SMPD3: variants seen among roughly 807,000 people sequenced by gnomAD.
SMPD3 encodes nSMase-2.
In SMPD3, 21 loss-of-function variants were observed where a neutral mutation model predicts 55.7. That is an observed-to-expected ratio of 0.38 (90% CI 0.27 to 0.54). The LOEUF is 0.54. Ranked by LOEUF, SMPD3 falls within the 20% of genes least tolerant of loss-of-function variation. The pLI is 0.80. For synonymous variants in SMPD3, 457 were observed against 404.3 expected (o/e 1.13, Z -1.56); for missense variants, 842 against 899.6 (o/e 0.94, Z 0.82).
At position 68,371,802 on chromosome 16, in the gene SMPD3, G is replaced by A. The variant is rs893179155; in HGVS notation, c.380C>T (p.Ala127Val). ...GGGCAGGAGGCAGACGTTGGCAGTG[G>A]CAAAGCAGAAGCTTTTGCCAGGCCC... ...GTGPGKSFCF[A>V]TANVCLLPDS... Residue 127 changes from alanine to valine, a missense_variant, in exon 3 of 9, where the codon GCC (alanine) becomes GTC (valine). Physicochemically the swap from Ala to Val is moderately conservative, Grantham distance 64 (BLOSUM62 0). This residue lies in a region of SMPD3 where 193 missense variants were observed against 256.0 expected (regional missense o/e 0.75). Coordinates refer to ENST00000219334, the MANE Select transcript of SMPD3 (RefSeq NM_018667.4). 2 of 1,608,572 alleles carry A rather than the reference G, an allele frequency of 1.2e-6. No homozygotes were observed. Among genetic ancestry groups the A allele is most frequent in the Middle Eastern group, 1.6e-4 (1 of 6,078 alleles).
At position 68,360,169 on chromosome 16, in the gene SMPD3, C is replaced by G. The variant is rs1304031396; in HGVS notation, c.*1037G>C. On this transcript the variant is annotated 3_prime_UTR_variant, in exon 9 of 9. Transcript: ENST00000219334. Reference sequence around the variant, plus strand: ...GGGGTTCCTGAGCTCAGCCGGCACGCAGGTGGGGCACGTCCCCAGGGAGGG... The same window carrying G: ...GGGGTTCCTGAGCTCAGCCGGCACGGAGGTGGGGCACGTCCCCAGGGAGGG... 2.0e-5 allele frequency: 3 copies of G among 152,604 alleles called. No individual in the cohort carries two copies. Among genetic ancestry groups the G allele is most frequent in the African/African-American group, 7.2e-5 (3 of 41,464 alleles). The allele number at this position is 152,604 out of a possible 1,614,324, so 9.5% of individuals were successfully genotyped here.
In SMPD3 at chr16:68,404,881, C is replaced by T. The variant is rs910061915; in HGVS notation, c.-268-18222G>A. Among the ~76,000 whole-genome samples the T allele has an allele frequency of 6.6e-6, 1 of 152,216 alleles. No homozygotes were observed. The highest frequency in any genetic ancestry group is 1.5e-5 in the Non-Finnish European group (1 of 68,040). On this transcript the variant is annotated intron_variant, in intron 1 of 8. Transcript: ENST00000219334. This position sits in a 1 kb window ranked among gnomAD's most constrained non-coding sequence, Gnocchi z 4.0. ...GTCCTTGGCAGCAGTAGAAATGGGG[C>T]GGCTCTGAACTTTCTCTCTGTAACC...
intron 1 of SMPD3, among the ~76,000 whole-genome samples, chr16:68,410,549 A>G (rs1343207444): frequency 6.6e-6 from 1 of 152,186 alleles, no homozygotes; most frequent in Non-Finnish European, 1.5e-5. Context: ...AGTAGATACT[A>G]CTGGATTTAA....
At chr16:68,430,716 C>T (rs910657002) in intron 1 of SMPD3, among the ~76,000 whole-genome samples, 1 of 152,220 alleles carries the variant, frequency 6.6e-6, no homozygotes, top group African/African-American at 2.4e-5. Flanking sequence ...TGCAGAATCA[C>T]GCCCCTCTCA....
chr16:68,371,230 C>T lies in SMPD3; in HGVS notation c.952G>A (p.Gly318Ser), dbSNP rs2089656181. 1 of 1,606,976 alleles carries T rather than the reference C, an allele frequency of 6.2e-7. No individual in the cohort carries two copies. The highest frequency in any genetic ancestry group is 2.2e-5 in the East Asian group (1 of 44,838). The part of the protein sequence containing the change: ...GPDTSASGEP[G>S]ANSKLLYKAS... ...TTGTACAGGAGCTTGCTGTTGGCAC[C>T]TGGCTCCCCGCTGGCACTGGTGTCT... Residue 318 changes from glycine (G) to serine (S), a missense_variant, in exon 3 of 9, where the codon GGT (glycine) becomes AGT (serine). By Grantham distance (56) the Gly-to-Ser change is moderately conservative. Coordinates refer to ENST00000219334, the MANE Select transcript of SMPD3 (RefSeq NM_018667.4).
At position 68,370,811 on chromosome 16, in the gene SMPD3, C is replaced by G. The variant is rs753399222; in HGVS notation, c.1323+48G>C. The G allele has an allele frequency of 1.2e-5, 19 of 1,603,340 alleles. No homozygotes were observed. In the South Asian group the frequency reaches 1.3e-4, roughly 11 times the overall value. On this transcript the variant is annotated intron_variant, in intron 3 of 8. Coordinates refer to ENST00000219334, the MANE Select transcript of SMPD3 (RefSeq NM_018667.4). ...CTGCAGCCCCCCTGCCTACATGGCT[C>G]TAGGACCAGCTGGCACGTGGTCCTC...
At chr16:68,439,743 G>GA (rs34370690) in intron 1 of SMPD3, among the ~76,000 whole-genome samples, 2 of 152,122 alleles carry the variant, frequency 1.3e-5, no homozygotes, top group Non-Finnish European at 1.5e-5. Context: ...CAAACTTTTG[G>GA]AAAAAAAGGT....
At chr16:68,422,648 G>C (rs1195150145) in intron 1 of SMPD3, among the ~76,000 whole-genome samples, 1 of 152,296 alleles carries the variant, frequency 6.6e-6, no homozygotes, top group South Asian at 2.1e-4. Flanking sequence ...TGGAGAAAAG[G>C]GGAGGGAATT....
chr16:68,371,885 C>A lies in SMPD3; in HGVS notation c.297G>T (p.Arg99=). The part of the protein sequence containing the change: ...QSARRPYIYS[R]LEDKGLAGGA... ...CACCGGCCAGGCCCTTGTCTTCCAG[C>A]CGTGAATAGATGTAGGGCCGGCGGG... is the stretch of plus-strand genomic sequence containing the variant. Residue 99 remains arginine, a synonymous_variant, in exon 3 of 9, where the codon CGG becomes CGT. Transcript: ENST00000219334. 6.2e-7 allele frequency: 1 copy of A among 1,609,908 alleles called. No homozygotes were observed. The highest frequency in any genetic ancestry group is 1.7e-4 in the Middle Eastern group (1 of 6,056).
chr16:68,398,190 G>C (rs929979779), intron 1 of SMPD3, among the ~76,000 whole-genome samples: 1 of 152,180 alleles, frequency 6.6e-6, no homozygotes, highest in African/African-American at 2.4e-5. Context: ...ACAGAAGCTT[G>C]GGGCTTATCC....
intron 5 of SMPD3, 92 bp downstream of exon 5, chr16:68,364,659 C>G: frequency 7.0e-7 from 1 of 1,420,132 alleles, no homozygotes; most frequent in Non-Finnish European, 9.6e-7. Flanking sequence ...AGCAGGAATT[C>G]TTTGAGCTGC....
intron 4 of SMPD3, 47 bp downstream of exon 4, chr16:68,364,970 G>C (rs371379415): frequency 3.1e-5 from 50 of 1,613,810 alleles, no homozygotes; most frequent in Middle Eastern, 3.3e-4. Context: ...TAGGCCCCAG[G>C]CACTGATCCC....
chr16:68,439,722 C>T (rs903014463), intron 1 of SMPD3, among the ~76,000 whole-genome samples: 7 of 152,166 alleles, frequency 4.6e-5, no homozygotes, highest in African/African-American at 1.7e-4. Context: ...TGGCTGTCTT[C>T]CTCCAGAAGG....
intron 1 of SMPD3, among the ~76,000 whole-genome samples, chr16:68,391,509 T>C (rs2090110531): frequency 6.6e-6 from 1 of 152,244 alleles, no homozygotes; most frequent in Non-Finnish European, 1.5e-5. Context: ...ATTGGGTTTC[T>C]ACTACTTTGC....
In SMPD3 at chr16:68,361,133, C is replaced by T. The variant is rs1350952841; in HGVS notation, c.*73G>A. The T allele has an allele frequency of 1.4e-5, 20 of 1,403,652 alleles. No homozygotes were observed. Among genetic ancestry groups the T allele is most frequent in the Admixed American group, 3.7e-5 (2 of 53,736 alleles). 86.9% of individuals were successfully genotyped at this position (1,403,652 alleles called of 1,614,324 possible). On this transcript the variant is annotated 3_prime_UTR_variant, in exon 9 of 9. Transcript: ENST00000219334. ...CCTCCTCCCCCAAGCACCGGGCACT[C>T]GATGGAGGGGACATGGCCCAGGGAT...
chr16:68,425,523 G>A (rs1003519139), intron 1 of SMPD3, among the ~76,000 whole-genome samples: 15 of 130,782 alleles, frequency 1.1e-4, no homozygotes, highest in African/African-American at 4.2e-4. Flanking sequence ...TCCACTGGAT[G>A]CCATGAGGAC....
intron 1 of SMPD3, among the ~76,000 whole-genome samples, chr16:68,429,651 A>G (rs2090464756): frequency 6.6e-6 from 1 of 152,200 alleles, no homozygotes; most frequent in South Asian, 2.1e-4. Flanking sequence ...AGCCCAGGGC[A>G]GACACTGGCC....
Position 68,404,207 on chromosome 16 carries a change from G to A in SMPD3, c.-268-17548C>T, listed in dbSNP as rs1183167755. 6.9e-6 allele frequency among the ~76,000 whole-genome samples: 1 copy of A among 144,872 alleles called. No homozygotes were observed. The highest frequency in any genetic ancestry group is 1.5e-5 in the Non-Finnish European group (1 of 66,260). Reference sequence around the variant, plus strand: ...AATTTTTTTTTTTTTTTTTTGAGATGGAGTTTCGCTCTTGTTGCCCAGGCT... The same window carrying A: ...AATTTTTTTTTTTTTTTTTTGAGATAGAGTTTCGCTCTTGTTGCCCAGGCT... On this transcript the variant is annotated intron_variant, in intron 1 of 8. Transcript: ENST00000219334. This position sits in a 1 kb window ranked among gnomAD's most constrained non-coding sequence, Gnocchi z 4.0.
chr16:68,439,915 G>A (rs148677463), intron 1 of SMPD3, among the ~76,000 whole-genome samples: 87 of 152,248 alleles, frequency 5.7e-4, no homozygotes, highest in Admixed American at 1.1e-3. Flanking sequence ...TGTAAACACC[G>A]AGGTCAGAAC....
Sources: gnomAD v4.1 joint callset for allele counts (sites outside exome capture counted in the v4.1 genomes callset) on GRCh38, gnomAD v4.1.1 for gene constraint, gnomAD v4.1.1 regional missense constraint, Gnocchi (gnomAD v3.1) non-coding constraint, MANE v1.5 for transcripts, NCBI Gene and HGNC (gene_info 2026-07-23, HGNC 2026-07-21) for gene names.